Variants in RANBP2 observed in about 807,000 individuals in gnomAD.
RANBP2 encodes the protein RAN binding protein 2.
Under a neutral mutation model 303.6 loss-of-function variants are expected in RANBP2, and 57 were observed. That is an observed-to-expected ratio of 0.19 (90% CI 0.15 to 0.23). The LOEUF is 0.23. RANBP2 is among the 10% of genes least tolerant of loss of function. RANBP2 has a pLI of 1.00. For synonymous variants in RANBP2, 1,167 were observed against 1,301.5 expected (o/e 0.90, Z 2.23); for missense variants, 3,138 against 3,780.8 (o/e 0.83, Z 4.46).
the RANBP2 span, among the ~76,000 whole-genome samples, chr2:109,201,608 C>T: frequency 2.6e-5 from 4 of 152,154 alleles, no homozygotes; most frequent in Middle Eastern, 3.2e-3. Context: ...GGGACCATGC[C>T]GGGCCTCTCA....
At chr2:108,796,561 G>A in the RANBP2 span, among the ~76,000 whole-genome samples, 1,621 of 152,198 alleles carry the variant, frequency 0.011, 18 homozygotes, top group Non-Finnish European at 0.013. Context: ...CATAATAACC[G>A]AAATATGGAG....
At chr2:109,676,449 C>T in the RANBP2 span, among the ~76,000 whole-genome samples, 2 of 152,204 alleles carry the variant, frequency 1.3e-5, no homozygotes, top group East Asian at 1.9e-4. Context: ...CACCCATCTG[C>T]GGGGCGGGCT....
chr2:109,629,693 C>G, the RANBP2 span, among the ~76,000 whole-genome samples: 2 of 151,820 alleles, frequency 1.3e-5, no homozygotes, highest in Non-Finnish European at 2.9e-5. Context: ...TACCTGTCGT[C>G]CCAGCTACTC....
the RANBP2 span, chr2:108,873,726 G>A: frequency 6.5e-5 from 37 of 568,520 alleles, no homozygotes; most frequent in African/African-American, 4.9e-4. Context: ...CATAAAATAC[G>A]CTAACACTAA....
the RANBP2 span, among the ~76,000 whole-genome samples, chr2:109,278,146 C>T: frequency 6.6e-6 from 1 of 151,712 alleles, no homozygotes; most frequent in Non-Finnish European, 1.5e-5. Flanking sequence ...CACTGCAGTC[C>T]AGCCTGAGTG....
chr2:109,238,794 C>G, the RANBP2 span, among the ~76,000 whole-genome samples: 1 of 152,224 alleles, frequency 6.6e-6, no homozygotes, highest in South Asian at 2.1e-4. Context: ...GGCAAGGCCC[C>G]TGATGAAACC....
the RANBP2 span, among the ~76,000 whole-genome samples, chr2:109,692,952 G>T: frequency 6.6e-6 from 1 of 150,766 alleles, no homozygotes; most frequent in African/African-American, 2.4e-5. Flanking sequence ...CTGAGTAGCT[G>T]GGATTACAGG....
chr2:109,142,435 G>A, the RANBP2 span, among the ~76,000 whole-genome samples: 3 of 152,150 alleles, frequency 2.0e-5, no homozygotes, highest in Non-Finnish European at 4.4e-5. Context: ...TATGTGTCCC[G>A]TGACTTCTTC....
At position 108,745,916 on chromosome 2, in the gene RANBP2, CT is replaced by C. The variant is rs1276140359; in HGVS notation, c.976-788del. Among the ~76,000 whole-genome samples the C allele has an allele frequency of 4.1e-4, 40 of 97,296 alleles. No individual in the cohort carries two copies. The East Asian group carries it at 0.012, about 28-fold the overall frequency. The allele number at this position is 97,296 out of a possible 152,430, so 63.8% of individuals were successfully genotyped here. A position where few individuals can be genotyped will look rare whatever the true frequency, so the allele number is the denominator to read the frequency against. ...TCTGTGTATGCTTTTTTTTTTTTTT[CT>C]TTTTTTGGAGATAGGGTCTCACTCT... On this transcript the variant is annotated intron_variant, in intron 7 of 28. Transcript: ENST00000283195.
chr2:109,202,735 C>T, the RANBP2 span, among the ~76,000 whole-genome samples: 12 of 152,248 alleles, frequency 7.9e-5, no homozygotes, highest in African/African-American at 2.4e-4. Context: ...ACGGCCTTCC[C>T]GTGGGGCTGT....
the RANBP2 span, among the ~76,000 whole-genome samples, chr2:109,103,228 T>A: frequency 6.6e-6 from 1 of 152,198 alleles, no homozygotes; most frequent in Non-Finnish European, 1.5e-5. Context: ...ACCGTGATGG[T>A]GTTGATGAAA....
At chr2:109,671,617 C>T in the RANBP2 span, among the ~76,000 whole-genome samples, 2 of 152,174 alleles carry the variant, frequency 1.3e-5, no homozygotes, top group African/African-American at 4.8e-5. Flanking sequence ...AGCATTATCT[C>T]ACTCTTAGCA....
At chr2:108,934,764 G>A in the RANBP2 span, among the ~76,000 whole-genome samples, 1 of 152,210 alleles carries the variant, frequency 6.6e-6, no homozygotes, top group African/African-American at 2.4e-5. Context: ...AGTCATTCAT[G>A]AGGGCAGAGC....
the RANBP2 span, among the ~76,000 whole-genome samples, chr2:109,087,299 T>A: frequency 6.6e-6 from 1 of 152,156 alleles, no homozygotes; most frequent in Non-Finnish European, 1.5e-5. Context: ...GTGGACTCTC[T>A]CTTGTGTTTT....
At chr2:109,273,995 C>A in the RANBP2 span, among the ~76,000 whole-genome samples, 1 of 152,176 alleles carries the variant, frequency 6.6e-6, no homozygotes, top group African/African-American at 2.4e-5. Flanking sequence ...AAGGATAATA[C>A]TTACCATAGT....
At chr2:109,083,191 A>G in the RANBP2 span, among the ~76,000 whole-genome samples, 1 of 152,170 alleles carries the variant, frequency 6.6e-6, no homozygotes, top group Non-Finnish European at 1.5e-5. Context: ...AGTGGCATTA[A>G]GTACATTCAC....
the RANBP2 span, among the ~76,000 whole-genome samples, chr2:109,655,597 C>T: frequency 3.9e-5 from 6 of 152,276 alleles, no homozygotes; most frequent in East Asian, 1.2e-3. Context: ...TGGTTCTGCC[C>T]TGTTCCTTCA....
chr2:109,570,818 G>A, the RANBP2 span, among the ~76,000 whole-genome samples: 4 of 152,038 alleles, frequency 2.6e-5, no homozygotes, highest in African/African-American at 9.7e-5. Flanking sequence ...CACCACACCC[G>A]GCCTGTATTA....
At chr2:109,440,042 A>G in the RANBP2 span, among the ~76,000 whole-genome samples, 1 of 152,372 alleles carries the variant, frequency 6.6e-6, no homozygotes, top group African/African-American at 2.4e-5. Flanking sequence ...CTGAGCAGAC[A>G]AAAGAGAAAG....
Sources: allele counts gnomAD v4.1 joint callset (sites outside exome capture counted in the v4.1 genomes callset), GRCh38; gene constraint gnomAD v4.1.1; transcripts MANE v1.5; gene names NCBI Gene and HGNC (gene_info 2026-07-23, HGNC 2026-07-21).